SLC25A48: variants seen among roughly 807,000 people sequenced by gnomAD.
SLC25A48 encodes the protein solute carrier family 25 member 48.
A neutral mutation model predicts 32.2 loss-of-function variants in SLC25A48; 29 were observed. The observed-to-expected ratio is 0.90, with a 90% confidence interval of 0.67 to 1.23. The LOEUF (loss-of-function observed/expected upper bound fraction) is 1.23, where lower values mean the gene tolerates loss of function less well. SLC25A48 is among the 50% of genes most tolerant of loss of function. SLC25A48 has a pLI of 0.00. For synonymous variants in SLC25A48, 164 were observed against 172.3 expected, an observed-to-expected ratio of 0.95 and a Z score of 0.38; for missense variants, 399 against 422.7, an observed-to-expected ratio of 0.94 and a Z score of 0.49.
intron 3 of SLC25A48, among the ~76,000 whole-genome samples, chr5:135,645,414 G>A (rs533018240): frequency 2.0e-5 from 3 of 152,308 alleles, no homozygotes; most frequent in Non-Finnish European, 4.4e-5. Context: ...GCTAGCTGGC[G>A]TCACCACTAG....
At chr5:135,614,486 C>A (rs1056774274) in intron 1 of SLC25A48, among the ~76,000 whole-genome samples, 2 of 152,082 alleles carry the variant, frequency 1.3e-5, no homozygotes, top group Non-Finnish European at 2.9e-5. Flanking sequence ...CATCCTTGTC[C>A]TTCCCCCAAT....
At chr5:135,595,462 T>C (rs1186926360) in intron 1 of SLC25A48, among the ~76,000 whole-genome samples, 1 of 152,212 alleles carries the variant, frequency 6.6e-6, no homozygotes, top group Non-Finnish European at 1.5e-5. Flanking sequence ...CCACTCACCA[T>C]GGACATAGGC....
At chr5:135,846,712 C>T (rs1283292572) in intron 2 of SLC25A48, among the ~76,000 whole-genome samples, 1 of 152,150 alleles carries the variant, frequency 6.6e-6, no homozygotes, top group Non-Finnish European at 1.5e-5. Context: ...CCATGATCTT[C>T]AAGATGTATC....
At chr5:135,746,553 A>G (rs1295733963) in intron 3 of SLC25A48, among the ~76,000 whole-genome samples, 1 of 151,930 alleles carries the variant, frequency 6.6e-6, no homozygotes, top group East Asian at 1.9e-4. Context: ...TAAGTCTCCA[A>G]AAGAGAGGGC....
intron 3 of SLC25A48, 101 bp downstream of exon 3, chr5:135,850,597 A>G: frequency 2.9e-6 from 3 of 1,050,780 alleles, no homozygotes; most frequent in Admixed American, 4.0e-5. Context: ...GGGGCCTCTC[A>G]TCCTGCTCTT....
intron 3 of SLC25A48, among the ~76,000 whole-genome samples, chr5:135,743,158 A>G (rs36183863): frequency 0.29 from 32,780 of 114,938 alleles, 4,618 homozygotes; most frequent in East Asian, 0.49. Context: ...ACTGCAACCC[A>G]CCTCCTGGGT....
At chr5:135,739,098 A>C (rs1052196980) in intron 3 of SLC25A48, among the ~76,000 whole-genome samples, 1 of 151,646 alleles carries the variant, frequency 6.6e-6, no homozygotes, top group African/African-American at 2.4e-5. Flanking sequence ...CAAACAAACA[A>C]ACAAGTTTAA....
chr5:135,665,281 T>G (rs1173868946), intron 3 of SLC25A48, among the ~76,000 whole-genome samples: 2 of 152,194 alleles, frequency 1.3e-5, no homozygotes, highest in African/African-American at 4.8e-5. Flanking sequence ...ATTTGTTGTT[T>G]TTTTTCTTGC....
chr5:135,666,185 C>G (rs1364984637), intron 3 of SLC25A48, among the ~76,000 whole-genome samples: 1 of 152,190 alleles, frequency 6.6e-6, no homozygotes, highest in Non-Finnish European at 1.5e-5. Context: ...CCCTGGCCAG[C>G]TCTCATAACT....
At chr5:135,783,169 C>A (rs1441316430) in intron 3 of SLC25A48, among the ~76,000 whole-genome samples, 1 of 62,980 alleles carries the variant, frequency 1.6e-5, no homozygotes, top group East Asian at 2.3e-4. Flanking sequence ...TCGCACAGGG[C>A]GTACACTTTC....
At chr5:135,643,916 A>G (rs562150717) in intron 3 of SLC25A48, among the ~76,000 whole-genome samples, 1 of 152,316 alleles carries the variant, frequency 6.6e-6, no homozygotes, top group South Asian at 2.1e-4. Context: ...TTAGAGAGCT[A>G]AGTAACTTGA....
intron 3 of SLC25A48, among the ~76,000 whole-genome samples, chr5:135,763,899 ATTC>A (rs1224120273): frequency 6.6e-6 from 1 of 152,116 alleles, no homozygotes; most frequent in Non-Finnish European, 1.5e-5. Context: ...TTTGAGACAG[ATTC>A]TCGCTCTGCC....
intron 3 of SLC25A48, among the ~76,000 whole-genome samples, chr5:135,800,995 T>C (rs532862150): frequency 6.6e-6 from 1 of 151,010 alleles, no homozygotes; most frequent in Non-Finnish European, 1.5e-5. Context: ...CAACTCCCAA[T>C]ATCGCAGGGT....
At chr5:135,689,600 T>G (rs925973404) in intron 3 of SLC25A48, among the ~76,000 whole-genome samples, 3 of 122,056 alleles carry the variant, frequency 2.5e-5, no homozygotes, top group African/African-American at 9.4e-5. Context: ...CATTCATGCA[T>G]TTGGATCTAC....
Position 135,748,416 on chromosome 5 carries a change from G to A in SLC25A48, c.-520-64107G>A, listed in dbSNP as rs754163706. The stretch of plus-strand genomic sequence containing the variant: ...GGCCTCCCAAGTAGCTGGGACTCAG[G>A]TGCCTGCCACCACGCCTAGCTAATT... On this transcript the variant is annotated intron_variant, in intron 3 of 10. Coordinates refer to the SLC25A48 transcript ENST00000646290. 5.9e-5 allele frequency among the ~76,000 whole-genome samples: 9 copies of A among 152,184 alleles called. No individual in the cohort carries two copies. In the East Asian group the frequency reaches 1.7e-3, roughly 29 times the overall value.
At chr5:135,632,011 C>G (rs1167113259) in intron 2 of SLC25A48, among the ~76,000 whole-genome samples, 1 of 152,198 alleles carries the variant, frequency 6.6e-6, no homozygotes, top group Non-Finnish European at 1.5e-5. Flanking sequence ...TTCAGAGCCC[C>G]TCTACCTATG....
chr5:135,790,288 C>A (rs1177804109), intron 3 of SLC25A48, among the ~76,000 whole-genome samples: 1 of 151,720 alleles, frequency 6.6e-6, no homozygotes, highest in African/African-American at 2.4e-5. Flanking sequence ...AATATTACTT[C>A]TAATGTCACA....
At position 135,734,836 on chromosome 5, in the gene SLC25A48, AG is replaced by A. The variant is rs148247498; in HGVS notation, c.-520-77686del. 1.1e-3 allele frequency among the ~76,000 whole-genome samples: 82 copies of A among 76,752 alleles called. 1 individual carries two copies. In the East Asian group the frequency reaches 0.033, roughly 31 times the overall value. 50.4% of individuals were successfully genotyped at this position (76,752 alleles called of 152,430 possible). A position where few individuals can be genotyped will look rare whatever the true frequency, so the allele number is the denominator to read the frequency against. On this transcript the variant is annotated intron_variant, in intron 3 of 10. Transcript: ENST00000646290. ...CATCTCAAAACAAAAAAAAAAAAAA[AG>A]AAGAAGAAGAAGGGGACGGACTTAA...
chr5:135,695,917 G>C (rs577335676), intron 3 of SLC25A48, among the ~76,000 whole-genome samples: 19 of 152,276 alleles, frequency 1.2e-4, no homozygotes, highest in Admixed American at 3.3e-4. Context: ...CCAAAAGCAG[G>C]ATGTTTGCCC....
Sources: allele counts gnomAD v4.1 joint callset (sites outside exome capture counted in the v4.1 genomes callset), GRCh38; gene constraint gnomAD v4.1.1; transcripts MANE v1.5; gene names NCBI Gene and HGNC (gene_info 2026-07-23, HGNC 2026-07-21).